The following RCOR1 variants were observed in gnomAD, a reference collection of about 807,000 sequenced individuals.
RCOR1 encodes REST corepressor 1.
A neutral mutation model predicts 64.0 loss-of-function variants in RCOR1; 12 were observed. The observed-to-expected ratio is 0.19, with a 90% CI of 0.12 to 0.30. RCOR1 has a LOEUF of 0.30. Among genes scored for constraint, RCOR1 ranks in the 10% least tolerant of loss-of-function variants. The pLI is 1.00. For synonymous variants in RCOR1, 279 were observed against 227.2 expected (o/e 1.23, Z -2.05); for missense variants, 502 against 621.2 (o/e 0.81, Z 2.04).
In RCOR1 at chr14:102,650,755, T is replaced by C. The variant is rs182628839; in HGVS notation, c.362-31140T>C. ...AACATTGGTTATTCTGCAATTGTTA[T>C]ATATAAAGGGATAAACATTGAAGTT... On this transcript the variant is annotated intron_variant, in intron 2 of 11. Coordinates refer to ENST00000262241, the MANE Select transcript of RCOR1 (RefSeq NM_015156.4). Among the ~76,000 whole-genome samples, 9 of 152,326 alleles carry C rather than the reference T, an allele frequency of 5.9e-5. No individual in the cohort carries two copies. In the East Asian group the frequency reaches 1.3e-3, roughly 23 times the overall value.
chr14:102,617,587 CTTTTTTTTTTT>C (rs71119722), intron 2 of RCOR1, among the ~76,000 whole-genome samples: 1 of 118,268 alleles, frequency 8.5e-6, no homozygotes, highest in African/African-American at 3.0e-5. Flanking sequence ...CTGTCTCTTT[CTTTTTTTTTTT>C]TTTTTTTTTT....
chr14:102,659,107 G>A (rs1053183539), intron 2 of RCOR1: 19 of 984,906 alleles, frequency 1.9e-5, no homozygotes, highest in Non-Finnish European at 2.2e-5. Flanking sequence ...CTTTTTCTAG[G>A]AAAGGTCTTT....
At chr14:102,680,309 T>A (rs1895278192) in intron 2 of RCOR1, among the ~76,000 whole-genome samples, 1 of 152,190 alleles carries the variant, frequency 6.6e-6, no homozygotes. Flanking sequence ...ACACAGATAA[T>A]CGTGCAGTTT....
intron 5 of RCOR1, 72 bp from the exon 6 acceptor site, chr14:102,708,393 C>T: frequency 1.1e-6 from 1 of 912,910 alleles, no homozygotes; most frequent in East Asian, 2.5e-5. Flanking sequence ...AGCCGCTGCG[C>T]CCGGCCTTAA....
In RCOR1 at chr14:102,730,334, G is replaced by A; in HGVS notation, c.*3828G>A. The stretch of plus-strand genomic sequence containing the variant: ...GTTGGAATTTTAAAGAAAATATGTT[G>A]TAATAATGCTGTTGTAAGTAATATT... On this transcript the variant is annotated 3_prime_UTR_variant, in exon 12 of 12. Coordinates refer to ENST00000262241, the MANE Select transcript of RCOR1 (RefSeq NM_015156.4). The A allele has an allele frequency of 4.1e-6, 1 of 243,258 alleles. No individual in the cohort carries two copies. The highest frequency in any genetic ancestry group is 7.6e-5 in the East Asian group (1 of 13,174). 15.1% of individuals were successfully genotyped at this position (243,258 alleles called of 1,614,324 possible).
At chr14:102,595,871 G>A (rs1238242789) in intron 2 of RCOR1, among the ~76,000 whole-genome samples, 1 of 152,030 alleles carries the variant, frequency 6.6e-6, no homozygotes, top group Non-Finnish European at 1.5e-5. Context: ...GTGCCACCGC[G>A]CCCGGCCCCA....
chr14:102,676,631 G>A (rs1470331629), intron 2 of RCOR1, among the ~76,000 whole-genome samples: 4 of 109,900 alleles, frequency 3.6e-5, no homozygotes, highest in Non-Finnish European at 5.8e-5. Flanking sequence ...CCAGGTGGGG[G>A]GCTGATCCCC....
intron 2 of RCOR1, among the ~76,000 whole-genome samples, chr14:102,653,974 TCTTTCTTTC>T (rs1376956080): frequency 2.9e-3 from 131 of 44,750 alleles, no homozygotes; most frequent in African/African-American, 0.011. Flanking sequence ...TTTCTTTCTT[TCTTTCTTTC>T]TTTTTTTTTT....
At chr14:102,668,703 A>AT (rs201090532) in intron 2 of RCOR1, among the ~76,000 whole-genome samples, 43 of 151,588 alleles carry the variant, frequency 2.8e-4, no homozygotes, top group African/African-American at 5.1e-4. Flanking sequence ...GTAAGTTAAG[A>AT]TTTTTTTTTA....
At chr14:102,691,616 A>G (rs1427039142) in intron 3 of RCOR1, among the ~76,000 whole-genome samples, 1 of 152,230 alleles carries the variant, frequency 6.6e-6, no homozygotes, top group African/African-American at 2.4e-5. Context: ...GAGTGTGTGA[A>G]AAGTATTTTC....
intron 2 of RCOR1, among the ~76,000 whole-genome samples, chr14:102,608,946 G>C (rs1362671201): frequency 6.6e-6 from 1 of 150,948 alleles, no homozygotes; most frequent in Non-Finnish European, 1.5e-5. Flanking sequence ...TCATGTACAG[G>C]TATTTATCTG....
At chr14:102,636,704 T>C (rs992403857) in intron 2 of RCOR1, among the ~76,000 whole-genome samples, 1 of 151,638 alleles carries the variant, frequency 6.6e-6, no homozygotes, top group Non-Finnish European at 1.5e-5. Flanking sequence ...GTGCAGTGGC[T>C]CACACCTGTA....
At chr14:102,683,089 A>G (rs1326465497) in intron 3 of RCOR1, among the ~76,000 whole-genome samples, 2 of 152,218 alleles carry the variant, frequency 1.3e-5, no homozygotes, top group Non-Finnish European at 1.5e-5. Context: ...TCATAGACCT[A>G]GAAGAAAAGG....
chr14:102,662,298 A>G lies in RCOR1; in HGVS notation c.362-19597A>G, dbSNP rs573714946. 7.0e-4 allele frequency: 384 copies of G among 550,914 alleles called. 2 individuals are homozygous for G. Among genetic ancestry groups the G allele is most frequent in the Non-Finnish European group, 1.2e-3 (342 of 282,142 alleles). 34.1% of individuals were successfully genotyped at this position (550,914 alleles called of 1,614,324 possible). A position where few individuals can be genotyped will look rare whatever the true frequency, so the allele number is the denominator to read the frequency against. On this transcript the variant is annotated intron_variant, in intron 2 of 11. Transcript: ENST00000262241. ...AGCATCATAATCAGGAGCTAGTTGA[A>G]CGTATGCCTCCTTCTCTCCATCAGG... is the stretch of plus-strand genomic sequence containing the variant.
At chr14:102,665,087 C>A (rs2139943485) in intron 2 of RCOR1, among the ~76,000 whole-genome samples, 1 of 152,140 alleles carries the variant, frequency 6.6e-6, no homozygotes, top group South Asian at 2.1e-4. Flanking sequence ...CTCACTGCAA[C>A]CTCTGCCTCC....
At chr14:102,599,952 C>T (rs546309912) in intron 2 of RCOR1, among the ~76,000 whole-genome samples, 17 of 152,098 alleles carry the variant, frequency 1.1e-4, no homozygotes, top group African/African-American at 3.6e-4. Context: ...TACATGTGCA[C>T]ATCACCACGC....
At chr14:102,638,939 A>T (rs981380828) in intron 2 of RCOR1, among the ~76,000 whole-genome samples, 7 of 152,224 alleles carry the variant, frequency 4.6e-5, no homozygotes, top group South Asian at 2.1e-4. Context: ...CTGGGATTGC[A>T]GGCGTGAACT....
At chr14:102,640,548 A>C (rs1894345241) in intron 2 of RCOR1, among the ~76,000 whole-genome samples, 1 of 152,202 alleles carries the variant, frequency 6.6e-6, no homozygotes, top group Admixed American at 6.5e-5. Flanking sequence ...TTTTAAAATT[A>C]ATTTTTAAAA....
At chr14:102,660,523 G>A (rs1036211451) in intron 2 of RCOR1, among the ~76,000 whole-genome samples, 2 of 152,050 alleles carry the variant, frequency 1.3e-5, no homozygotes, top group African/African-American at 4.8e-5. Flanking sequence ...CAAGTAGCTG[G>A]AAGTACAGGA....
Sources: allele counts gnomAD v4.1 joint callset (sites outside exome capture counted in the v4.1 genomes callset), GRCh38; gene constraint gnomAD v4.1.1; transcripts MANE v1.5; gene names NCBI Gene and HGNC (gene_info 2026-07-23, HGNC 2026-07-21).